Variants in DNAH3 observed in about 807,000 individuals in gnomAD.
DNAH3 encodes the protein axonemal beta dynein heavy chain 3.
DNAH3 carries 332 observed loss-of-function variants against 432.5 expected under a neutral mutation model. The ratio of observed to expected loss-of-function variants is 0.77; its 90% CI spans 0.70 to 0.84. DNAH3 has a LOEUF of 0.84. Ranked by LOEUF, DNAH3 falls within the 40% of genes least tolerant of loss-of-function variation. The probability of loss-of-function intolerance (pLI) is 0.00; values close to 1 mark genes in which losing one functional copy is unlikely to be tolerated. For synonymous variants in DNAH3, 1,956 were observed against 1,900.2 expected (o/e 1.03, Z -0.76); for missense variants, 4,861 against 5,114.0 (o/e 0.95, Z 1.51).
At chr16:21,104,380 C>G (rs1205091168) in intron 16 of DNAH3, 91 bp downstream of exon 16, 1 of 1,127,168 alleles carries the variant, frequency 8.9e-7, no homozygotes, top group African/African-American at 1.5e-5. Flanking sequence ...ATGGAGTGAG[C>G]TGGGGGATGG....
At chr16:21,015,397 G>A (rs1398855567) in intron 41 of DNAH3, among the ~76,000 whole-genome samples, 2 of 152,182 alleles carry the variant, frequency 1.3e-5, no homozygotes, top group Admixed American at 1.3e-4. Context: ...TGGGGATCAG[G>A]GAAGGAAGGG....
intron 14 of DNAH3, among the ~76,000 whole-genome samples, chr16:21,111,346 A>G (rs1292309389): frequency 2.0e-5 from 3 of 152,190 alleles, no homozygotes; most frequent in African/African-American, 7.2e-5. Flanking sequence ...AGCAGTTTGC[A>G]TTCTCCTGAA....
At chr16:21,090,861 G>A (rs746536805) in intron 18 of DNAH3, among the ~76,000 whole-genome samples, 10 of 152,242 alleles carry the variant, frequency 6.6e-5, no homozygotes, top group African/African-American at 2.2e-4. Flanking sequence ...AATAATTATT[G>A]TATATTTCAG....
chr16:21,054,678 C>G, intron 27 of DNAH3, 144 bp from the exon 28 acceptor site: 1 of 620,940 alleles, frequency 1.6e-6, no homozygotes, highest in Non-Finnish European at 2.9e-6. Flanking sequence ...TTCCTTACCC[C>G]AGTCCTTAAT....
At chr16:21,078,275 C>CAAAAAA (rs1202846920) in intron 20 of DNAH3, among the ~76,000 whole-genome samples, 2 of 83,846 alleles carry the variant, frequency 2.4e-5, no homozygotes, top group African/African-American at 8.8e-5. Context: ...AATTCCGTCT[C>CAAAAAA]AAAAAAAAAA....
intron 47 of DNAH3, 38 bp downstream of exon 47, chr16:20,987,266 AC>A: frequency 1.2e-6 from 2 of 1,610,154 alleles, no homozygotes; most frequent in Non-Finnish European, 1.7e-6. Context: ...AACACTTGGA[AC>A]CATTTCTGAG....
At chr16:20,980,191 T>C (rs2085799565) in intron 49 of DNAH3, among the ~76,000 whole-genome samples, 1 of 136,752 alleles carries the variant, frequency 7.3e-6, no homozygotes. Flanking sequence ...ATATATATAA[T>C]TTTATTATAT....
At chr16:21,127,618 C>G in intron 8 of DNAH3, 69 bp downstream of exon 9, 3 of 1,565,686 alleles carry the variant, frequency 1.9e-6, no homozygotes, top group Non-Finnish European at 2.6e-6. Context: ...TGGGTACCAG[C>G]TTCATTTCAG....
At chr16:20,962,590 C>T (rs561250442) in intron 53 of DNAH3, among the ~76,000 whole-genome samples, 9 of 152,186 alleles carry the variant, frequency 5.9e-5, no homozygotes, top group Non-Finnish European at 1.0e-4. Context: ...TCATGACATG[C>T]GGCACTAGAA....
chr16:20,997,056 G>A (rs1295420859), intron 44 of DNAH3: 6 of 481,708 alleles, frequency 1.2e-5, no homozygotes, highest in Non-Finnish European at 1.9e-5. Context: ...GAGACTCTCT[G>A]TTTCTCTAGG....
chr16:21,067,301 T>C (rs775707004), exon 24 of DNAH3: 1 of 1,614,106 alleles, frequency 6.2e-7, no homozygotes. Flanking sequence ...GAATAGTCTC[T>C]TCTTCTCCAA....
chr16:21,130,415 C>G (rs973795752), intron 7 of DNAH3, among the ~76,000 whole-genome samples: 4 of 151,704 alleles, frequency 2.6e-5, no homozygotes, highest in Non-Finnish European at 5.9e-5. Flanking sequence ...AGCAATTCTC[C>G]TGCCTCAGCC....
At chr16:21,075,299 C>G in intron 21 of DNAH3, 148 bp downstream of exon 21, 1 of 651,848 alleles carries the variant, frequency 1.5e-6, no homozygotes, top group South Asian at 1.9e-5. Context: ...GTGACTGACA[C>G]AGAAAGGCAG....
At chr16:20,983,250 T>C (rs9936013) in intron 48 of DNAH3, among the ~76,000 whole-genome samples, 42,043 of 152,032 alleles carry the variant, frequency 0.28, 6,432 homozygotes, top group South Asian at 0.46. Flanking sequence ...CTCAGCTTCC[T>C]GAGTAGCTGG....
At chr16:20,973,221 G>A (rs1163518463) in intron 51 of DNAH3, among the ~76,000 whole-genome samples, 1 of 152,016 alleles carries the variant, frequency 6.6e-6, no homozygotes, top group Non-Finnish European at 1.5e-5. Context: ...GAACCTCAAT[G>A]CTGTCAACTC....
chr16:20,946,403 T>C (rs2084045299), intron 57 of DNAH3, among the ~76,000 whole-genome samples: 1 of 152,216 alleles, frequency 6.6e-6, no homozygotes, highest in East Asian at 1.9e-4. Context: ...TGTATTTGAC[T>C]GATGCCTCGC....
chr16:21,011,908 T>C (rs1047164261), intron 41 of DNAH3, among the ~76,000 whole-genome samples: 4 of 152,224 alleles, frequency 2.6e-5, no homozygotes, highest in African/African-American at 9.6e-5. Flanking sequence ...ATTCAAAGTA[T>C]TTTTACATGT....
intron 7 of DNAH3, among the ~76,000 whole-genome samples, chr16:21,131,810 C>T (rs1275267907): frequency 4.2e-5 from 6 of 142,644 alleles, no homozygotes; most frequent in Admixed American, 7.4e-5. Flanking sequence ...GCCAAGATCG[C>T]GCCATTGCAC....
At chr16:21,075,399 A>G (rs1206100118) in intron 21 of DNAH3, 48 bp downstream of exon 21, 1 of 1,282,906 alleles carries the variant, frequency 7.8e-7, no homozygotes, top group Non-Finnish European at 1.1e-6. Flanking sequence ...CTATTGCATA[A>G]TAAATGGGGC....
Sources: gnomAD v4.1 joint callset for allele counts (sites outside exome capture counted in the v4.1 genomes callset) on GRCh38, gnomAD v4.1.1 for gene constraint, MANE v1.5 for transcripts, NCBI Gene and HGNC (gene_info 2026-07-23, HGNC 2026-07-21) for gene names.